The following ADGRF3 variants were observed in gnomAD, a reference collection of about 807,000 sequenced individuals.
The protein encoded by ADGRF3 is adhesion G protein-coupled receptor F3.
ADGRF3 carries 85 observed loss-of-function variants against 93.2 expected under a neutral mutation model. The observed-to-expected ratio is 0.91, with a 90% CI of 0.77 to 1.09. ADGRF3 has a LOEUF of 1.09. Among genes scored for constraint, ADGRF3 ranks in the 50% least tolerant of loss-of-function variants. ADGRF3 has a pLI of 0.00. For missense variants in ADGRF3, 1,125 were observed against 1,246.2 expected (o/e 0.90, Z 1.46); for synonymous variants, 534 against 532.5 (o/e 1.00, Z -0.04).
intron 1 of ADGRF3, among the ~76,000 whole-genome samples, chr2:26,322,843 A>G (rs1166643570): frequency 6.6e-6 from 1 of 152,166 alleles, no homozygotes; most frequent in African/African-American, 2.4e-5. Context: ...TAAAAATATC[A>G]TATCTGGCTG....
chr2:26,325,523 C>T lies in ADGRF3; in HGVS notation c.115-7961G>A, dbSNP rs575590130. On this transcript the variant is annotated intron_variant, in intron 1 of 13. Coordinates refer to ENST00000651242, the MANE Select transcript of ADGRF3 (RefSeq NM_001321971.2). The stretch of plus-strand genomic sequence containing the variant: ...GACTGTTCAGAAAACCCTGCTTCAG[C>T]GTTTATATTAAAGCTATGTACCTCA... Among the ~76,000 whole-genome samples the T allele has an allele frequency of 1.3e-4, 20 of 152,224 alleles. No homozygotes were observed. In the South Asian group the frequency reaches 3.7e-3, roughly 29 times the overall value.
At chr2:26,322,393 G>C (rs965063166) in intron 1 of ADGRF3, among the ~76,000 whole-genome samples, 2 of 152,006 alleles carry the variant, frequency 1.3e-5, no homozygotes, top group Non-Finnish European at 2.9e-5. Flanking sequence ...TTGATTCCCA[G>C]CTCATCTCTC....
chr2:26,341,529 G>T (rs1676397248), intron 1 of ADGRF3, among the ~76,000 whole-genome samples: 1 of 152,140 alleles, frequency 6.6e-6, no homozygotes, highest in Non-Finnish European at 1.5e-5. Context: ...ACAAAAATAT[G>T]ACTGATGACC....
chr2:26,314,579 G>T lies in ADGRF3; in HGVS notation c.763C>A (p.Leu255Met). ...CFEAQGFKWNLYEVVRVPLKA... is the reference protein window; with the variant it reads ...CFEAQGFKWNMYEVVRVPLKA... ...AAGGGCACCCTCACCACCTCATACA[G>T]GTTCCACTTGAAGCCCTGGGCCTCG... Residue 255 changes from leucine (L) to methionine (M), a missense_variant, in exon 6 of 14, where the codon CTG becomes ATG. Physicochemically the swap from Leu to Met is conservative, Grantham distance 15. Transcript: ENST00000651242. The T allele has an allele frequency of 6.2e-7, 1 of 1,614,040 alleles. No individual in the cohort carries two copies. Among genetic ancestry groups the T allele is most frequent in the African/African-American group, 1.3e-5 (1 of 75,060 alleles).
chr2:26,318,857 C>A, intron 1 of ADGRF3: 2 of 1,523,880 alleles, frequency 1.3e-6, no homozygotes, highest in Non-Finnish European at 1.8e-6. Context: ...CTCCCCTCAG[C>A]CCTTTCCCCA....
At chr2:26,337,844 G>A (rs1237090285) in intron 1 of ADGRF3, among the ~76,000 whole-genome samples, 1 of 151,966 alleles carries the variant, frequency 6.6e-6, no homozygotes, top group East Asian at 1.9e-4. Flanking sequence ...CTAACATGGC[G>A]AAAACCTGTC....
At chr2:26,312,593 A>G (rs1243703353) in intron 9 of ADGRF3, among the ~76,000 whole-genome samples, 1 of 152,152 alleles carries the variant, frequency 6.6e-6, no homozygotes, top group African/African-American at 2.4e-5. Context: ...CCATACAGAG[A>G]GCCGATTTAG....
chr2:26,316,134 G>T, intron 4 of ADGRF3, 141 bp downstream of exon 4: 1 of 841,388 alleles, frequency 1.2e-6, no homozygotes. Flanking sequence ...GATCTGCTAT[G>T]ATGGCTGGCT....
Position 26,316,267 on chromosome 2 carries a change from T to G in ADGRF3, c.499+8A>C. On this transcript the variant is annotated splice_region_variant and intron_variant, in intron 4 of 13. Transcript: ENST00000651242. ...GCCATTGGTTTCCAAGTTCCCAACC[T>G]TCCTCACCAGGTGGCAGCAACTGGC... 6.4e-7 allele frequency: 1 copy of G among 1,550,650 alleles called. No homozygotes were observed.
intron 1 of ADGRF3, 113 bp from the exon 2 acceptor site, chr2:26,317,675 A>G (rs1322852599): frequency 2.0e-6 from 2 of 978,944 alleles, no homozygotes; most frequent in African/African-American, 3.2e-5. Context: ...TCTTTTTGCC[A>G]GGAGTCAAGT....
Position 26,308,979 on chromosome 2 carries a change from T to C in ADGRF3, c.*107A>G, listed in dbSNP as rs755910020. The stretch of plus-strand genomic sequence containing the variant: ...ATATAAGCCTGCCTTTCTCAAGGGC[T>C]GAGCTCCGGGAGGCGGGAAGAGTTC... On this transcript the variant is annotated 3_prime_UTR_variant, in exon 14 of 14. Coordinates refer to ENST00000651242, the MANE Select transcript of ADGRF3 (RefSeq NM_001321971.2). The C allele has an allele frequency of 1.1e-5, 17 of 1,479,190 alleles. No homozygotes were observed. Among genetic ancestry groups the C allele is most frequent in the Non-Finnish European group, 1.6e-5 (17 of 1,060,152 alleles). The allele number at this position is 1,479,190 out of a possible 1,614,324, so 91.6% of individuals were successfully genotyped here.
At chr2:26,313,156 A>T (rs1249507203) in intron 8 of ADGRF3, 34 bp from the exon 9 acceptor site, 8 of 1,610,306 alleles carry the variant, frequency 5.0e-6, no homozygotes, top group Non-Finnish European at 6.8e-6. Flanking sequence ...AGTGGGACAC[A>T]TGGTGGAATG....
At chr2:26,318,362 G>C (rs902744592) in intron 1 of ADGRF3, among the ~76,000 whole-genome samples, 4 of 152,186 alleles carry the variant, frequency 2.6e-5, no homozygotes, top group African/African-American at 9.7e-5. Flanking sequence ...GGGAGGCTGA[G>C]GTGGGAGGAT....
At chr2:26,329,849 C>T (rs1022027216) in intron 1 of ADGRF3, among the ~76,000 whole-genome samples, 1 of 152,174 alleles carries the variant, frequency 6.6e-6, no homozygotes, top group Admixed American at 6.5e-5. Context: ...TTACTTATGG[C>T]ACTTTTGTAA....
At chr2:26,341,536 G>C (rs1676397555) in intron 1 of ADGRF3, among the ~76,000 whole-genome samples, 1 of 152,126 alleles carries the variant, frequency 6.6e-6, no homozygotes, top group Non-Finnish European at 1.5e-5. Context: ...TATGACTGAT[G>C]ACCCACTCAT....
chr2:26,311,827 T>G lies in ADGRF3; in HGVS notation c.1697A>C (p.Gln566Pro). ...CAGTGAGTGCCTGGGAATCTGAGCC[T>G]GCAGTGGGGGCCGAGTAGGGAAGGA... ...SISFPTRPPLQAQIPRHSLAP... is the reference protein window; with the variant it reads ...SISFPTRPPLPAQIPRHSLAP... Residue 566 changes from glutamine (Q) to proline (P), a missense_variant, in exon 10 of 14, where the codon CAG (glutamine) becomes CCG (proline). Gln to Pro is a moderately conservative substitution (Grantham distance 76). Transcript: ENST00000651242. 6.2e-7 allele frequency: 1 copy of G among 1,613,842 alleles called. No homozygotes were observed. The highest frequency in any genetic ancestry group is 1.1e-5 in the South Asian group (1 of 91,062).
chr2:26,344,068 T>C (rs1676549695), intron 1 of ADGRF3, among the ~76,000 whole-genome samples: 1 of 152,268 alleles, frequency 6.6e-6, no homozygotes, highest in African/African-American at 2.4e-5. Flanking sequence ...GTGCAGTTTA[T>C]AAACTATTAT....
chr2:26,310,702 T>A lies in ADGRF3; in HGVS notation c.2822A>T (p.Asn941Ile). ...CCCCCTATCACCTACCTGGAGGGTG[T>A]TGAGAATGGTGAAGATGTAATGAGG... ...TVPHYIFTIL[N>I]TLQGVFILLF... The change falls in exon 10 of 14, where the codon AAC becomes ATC. Residue 941 changes from asparagine to isoleucine, a missense_variant. Asn to Ile is a moderately radical substitution (Grantham distance 149). Coordinates refer to ENST00000651242, the MANE Select transcript of ADGRF3 (RefSeq NM_001321971.2). 1 of 1,611,030 alleles carries A rather than the reference T, an allele frequency of 6.2e-7. No homozygotes were observed. Among genetic ancestry groups the A allele is most frequent in the Non-Finnish European group, 8.5e-7 (1 of 1,178,674 alleles).
chr2:26,321,327 T>C (rs1675137307), intron 1 of ADGRF3, among the ~76,000 whole-genome samples: 1 of 152,038 alleles, frequency 6.6e-6, no homozygotes, highest in Non-Finnish European at 1.5e-5. Context: ...AAAACACAGG[T>C]GCTGGAGGTA....
Sources: allele counts gnomAD v4.1 joint callset (sites outside exome capture counted in the v4.1 genomes callset), GRCh38; gene constraint gnomAD v4.1.1; transcripts MANE v1.5; gene names NCBI Gene and HGNC (gene_info 2026-07-23, HGNC 2026-07-21).